CLIC6: variants seen among roughly 807,000 people sequenced by gnomAD.
CLIC6 encodes the protein chloride intracellular channel protein 6.
CLIC6 carries 39 observed loss-of-function variants against 49.2 expected under a neutral mutation model. That is an observed-to-expected ratio of 0.79 (90% CI 0.61 to 1.04). CLIC6 has a LOEUF of 1.04. Ranked by LOEUF, CLIC6 falls within the 50% of genes least tolerant of loss-of-function variation. CLIC6 has a pLI of 0.00. For synonymous variants in CLIC6, 446 were observed against 433.4 expected, an observed-to-expected ratio of 1.03 and a Z score of -0.36; for missense variants, 988 against 993.1, an observed-to-expected ratio of 0.99 and a Z score of 0.07.
chr21:34,697,107 G>A (rs888213982), intron 1 of CLIC6, among the ~76,000 whole-genome samples: 5 of 152,148 alleles, frequency 3.3e-5, no homozygotes, highest in African/African-American at 1.2e-4. Flanking sequence ...TGTTGAGAGT[G>A]ATTTAGAGAT....
chr21:34,670,715 G>A lies in CLIC6; in HGVS notation c.1327G>A (p.Glu443Lys), dbSNP rs367827261. The A allele has an allele frequency of 1.7e-4, 277 of 1,597,752 alleles. No homozygotes were observed. The highest frequency in any genetic ancestry group is 2.3e-4 in the Non-Finnish European group (266 of 1,176,396). ...CCGCCGGGAGGACGGAGAGGCGTCC[G>A]AGCCCCGGGCCCTGGGGCAGGAGCA... ...NGRREDGEASEPRALGQEHDI... is the reference protein window; with the variant it reads ...NGRREDGEASKPRALGQEHDI... Residue 443 changes from glutamate to lysine, a missense_variant, in exon 1 of 6, where the codon GAG becomes AAG. By Grantham distance (56) the Glu-to-Lys change is moderately conservative. Transcript: ENST00000349499.
intron 1 of CLIC6, among the ~76,000 whole-genome samples, chr21:34,700,364 G>T (rs1484719543): frequency 7.5e-6 from 1 of 134,084 alleles, no homozygotes. Context: ...GGAGAATGGC[G>T]TGAACCCGGG....
At chr21:34,704,415 A>C (rs1347845665) in intron 1 of CLIC6, among the ~76,000 whole-genome samples, 1 of 152,184 alleles carries the variant, frequency 6.6e-6, no homozygotes, top group East Asian at 1.9e-4. Context: ...TTTTTAGAGC[A>C]ATTTGCGATG....
intron 2 of CLIC6, among the ~76,000 whole-genome samples, 181 bp from the exon 3 acceptor site, chr21:34,707,763 C>T (rs190198986): frequency 9.2e-5 from 14 of 152,260 alleles, no homozygotes; most frequent in Non-Finnish European, 1.6e-4. Flanking sequence ...CTCAACAAGC[C>T]CATCATTTGT....
chr21:34,708,488 G>T (rs1183623009), intron 3 of CLIC6, among the ~76,000 whole-genome samples: 1 of 152,184 alleles, frequency 6.6e-6, no homozygotes, highest in Non-Finnish European at 1.5e-5. Flanking sequence ...ACTGGCCACT[G>T]CCAGGAAACA....
chr21:34,709,327 TC>T (rs771067357), intron 4 of CLIC6, 29 bp from the exon 5 acceptor site: 178 of 1,596,246 alleles, frequency 1.1e-4, no homozygotes, highest in Non-Finnish European at 1.4e-4. Flanking sequence ...TGCAAACCTC[TC>T]TTTGTGATTT....
chr21:34,699,151 C>T (rs879931619), intron 1 of CLIC6, among the ~76,000 whole-genome samples: 5 of 152,188 alleles, frequency 3.3e-5, no homozygotes, highest in African/African-American at 7.2e-5. Flanking sequence ...ATGTCTTACA[C>T]GATTTTAAGA....
At chr21:34,687,728 A>G (rs1380281103) in intron 1 of CLIC6, among the ~76,000 whole-genome samples, 5 of 152,256 alleles carry the variant, frequency 3.3e-5, no homozygotes, top group Non-Finnish European at 7.3e-5. Context: ...AAAAAATACT[A>G]TACATACTTA....
chr21:34,679,070 G>A (rs1430863205), intron 1 of CLIC6, among the ~76,000 whole-genome samples: 3 of 152,184 alleles, frequency 2.0e-5, no homozygotes, highest in African/African-American at 7.2e-5. Flanking sequence ...TTGCTTAGAT[G>A]GGATTTTTGA....
chr21:34,702,072 C>T (rs1055365991), intron 1 of CLIC6, among the ~76,000 whole-genome samples: 3 of 152,170 alleles, frequency 2.0e-5, no homozygotes, highest in Admixed American at 6.5e-5. Context: ...GCACTTTCTA[C>T]GGGGGACCCG....
Position 34,670,342 on chromosome 21 carries a change from T to G in CLIC6, c.954T>G (p.Ser318Arg). ...AEAIEVAAGE[S>R]AGRSPGELAW... ...CAATTGAGGTCGCAGCCGGGGAGAGTGCGGGGCGCAGCCCCGGTGAGCTCG... is the reference window on the plus strand; with the variant it reads ...CAATTGAGGTCGCAGCCGGGGAGAGGGCGGGGCGCAGCCCCGGTGAGCTCG... The change falls in exon 1 of 6, where the codon AGT (serine) becomes AGG (arginine). Residue 318 changes from serine to arginine, a missense_variant. Physicochemically the swap from Ser to Arg is moderately radical, Grantham distance 110 (BLOSUM62 -1). Coordinates refer to ENST00000349499, the MANE Select transcript of CLIC6 (RefSeq NM_053277.3). The G allele has an allele frequency of 1.4e-6, 2 of 1,441,274 alleles. No individual in the cohort carries two copies. The highest frequency in any genetic ancestry group is 2.8e-5 in the Admixed American group (1 of 35,226). 89.3% of individuals were successfully genotyped at this position (1,441,274 alleles called of 1,614,324 possible).
At chr21:34,703,748 CA>C (rs1201437095) in intron 1 of CLIC6, among the ~76,000 whole-genome samples, 1 of 152,032 alleles carries the variant, frequency 6.6e-6, no homozygotes, top group Non-Finnish European at 1.5e-5. Context: ...AGCCCTGAGA[CA>C]GGGAGGTTCA....
At position 34,669,546 on chromosome 21, in the gene CLIC6, G is replaced by A. The variant is rs541945473; in HGVS notation, c.158G>A (p.Gly53Asp). The change falls in exon 1 of 6, where the codon GGC becomes GAC. Residue 53 changes from glycine (G) to aspartate (D), a missense_variant. Transcript: ENST00000349499. ...GSEGAEEAPR[G>D]AAAVKEAGGG... ...GAGGGCGCAGAGGAGGCGCCGAGGG[G>A]CGCCGCCGCTGTGAAGGAGGCAGGA... The A allele has an allele frequency of 4.8e-6, 6 of 1,245,242 alleles. No individual in the cohort carries two copies. Among genetic ancestry groups the A allele is most frequent in the Non-Finnish European group, 6.0e-6 (6 of 996,710 alleles). 77.1% of individuals were successfully genotyped at this position (1,245,242 alleles called of 1,614,324 possible).
At chr21:34,671,140 AAAG>A (rs1188666159) in intron 1 of CLIC6, among the ~76,000 whole-genome samples, 2,555 of 86,754 alleles carry the variant, frequency 0.029, 109 homozygotes, top group African/African-American at 0.038. Flanking sequence ...AAAAAAAAAA[AAAG>A]AAGAAGAAGA....
intron 1 of CLIC6, 83 bp downstream of exon 1, chr21:34,670,845 G>A: frequency 2.8e-6 from 4 of 1,426,052 alleles, no homozygotes; most frequent in Non-Finnish European, 3.7e-6. Context: ...GGGACGCGCA[G>A]GGAGGAACCC....
At chr21:34,706,308 A>G (rs981019601) in intron 1 of CLIC6, among the ~76,000 whole-genome samples, 1 of 152,130 alleles carries the variant, frequency 6.6e-6, no homozygotes, top group South Asian at 2.1e-4. Context: ...GCAAGAACTC[A>G]CTGACTATCG....
At chr21:34,683,443 G>C (rs1258439986) in intron 1 of CLIC6, among the ~76,000 whole-genome samples, 2 of 152,118 alleles carry the variant, frequency 1.3e-5, no homozygotes, top group Non-Finnish European at 2.9e-5. Context: ...TGAAAGAATT[G>C]ACCAAAATTT....
rs543714194 is a variant in CLIC6, at chr21:34,669,335, A to G, written c.-54A>G. 2 of 1,220,116 alleles carry G rather than the reference A, an allele frequency of 1.6e-6. No homozygotes were observed. Among genetic ancestry groups the G allele is most frequent in the African/African-American group, 1.6e-5 (1 of 64,160 alleles). 75.6% of individuals were successfully genotyped at this position (1,220,116 alleles called of 1,614,324 possible). ...GCACGCCCCTTGCCCAGCGCCACCGACCCTTAAGCAGCGTCAAGGAAGGAG... is the reference window on the plus strand; with the variant it reads ...GCACGCCCCTTGCCCAGCGCCACCGGCCCTTAAGCAGCGTCAAGGAAGGAG... On this transcript the variant is annotated 5_prime_UTR_variant, in exon 1 of 6. Coordinates refer to ENST00000349499, the MANE Select transcript of CLIC6 (RefSeq NM_053277.3).
chr21:34,699,650 A>AGG (rs1349009598), intron 1 of CLIC6, among the ~76,000 whole-genome samples: 1 of 152,098 alleles, frequency 6.6e-6, no homozygotes, highest in African/African-American at 2.4e-5. Flanking sequence ...GGAATGGGCT[A>AGG]GTTTGTTCCT....
Sources: gnomAD v4.1 joint callset for allele counts (sites outside exome capture counted in the v4.1 genomes callset) on GRCh38, gnomAD v4.1.1 for gene constraint, MANE v1.5 for transcripts, NCBI Gene and HGNC (gene_info 2026-07-23, HGNC 2026-07-21) for gene names.